CYP39A1: variants seen among roughly 807,000 people sequenced by gnomAD.
CYP39A1 encodes the protein 24-hydroxycholesterol 7-alpha-hydroxylase.
Under a neutral mutation model 58.1 loss-of-function variants are expected in CYP39A1, and 49 were observed. The observed-to-expected ratio is 0.84, with a 90% CI of 0.67 to 1.07. CYP39A1 has a LOEUF of 1.07. Among genes scored for constraint, CYP39A1 ranks in the 50% least tolerant of loss-of-function variants. CYP39A1 has a pLI of 0.00. For synonymous variants in CYP39A1, 209 were observed against 187.6 expected, an observed-to-expected ratio of 1.11 and a Z score of -0.93; for missense variants, 531 against 539.4, an observed-to-expected ratio of 0.98 and a Z score of 0.16.
chr6:46,553,170 T>C (rs1719086260), intron 11 of CYP39A1, among the ~76,000 whole-genome samples: 1 of 151,716 alleles, frequency 6.6e-6, no homozygotes, highest in Admixed American at 6.6e-5. Flanking sequence ...AGCACCTTTA[T>C]ACAGTCTGTT....
chr6:46,645,163 T>G (rs1374639012), intron 1 of CYP39A1, among the ~76,000 whole-genome samples: 1 of 152,202 alleles, frequency 6.6e-6, no homozygotes, highest in African/African-American at 2.4e-5. Context: ...TTTATCAGTT[T>G]TTCCTTTTAT....
chr6:46,640,522 A>G lies in CYP39A1; in HGVS notation c.314-854T>C, dbSNP rs1191547611. ...TGCTCCTTCTATAACACACATTCCT[A>G]ATTAGAAATTGTGGTTTATTGTTTA... On this transcript the variant is annotated intron_variant, in intron 2 of 11. Transcript: ENST00000275016. 3.3e-5 allele frequency among the ~76,000 whole-genome samples: 5 copies of G among 152,208 alleles called. No homozygotes were observed. In the South Asian group the frequency reaches 1.0e-3, roughly 32 times the overall value.
chr6:46,622,693 A>G (rs9472807), intron 7 of CYP39A1, among the ~76,000 whole-genome samples: 29,057 of 150,706 alleles, frequency 0.19, 2,991 homozygotes, highest in African/African-American at 0.28. Flanking sequence ...ATGAAGACTT[A>G]GGAAGATAAT....
In CYP39A1 at chr6:46,596,023, G is replaced by A. The variant is rs1262240405; in HGVS notation, c.1029C>T (p.Val343=). The change falls in exon 8 of 12, where the codon GTC becomes GTT. Residue 343 remains valine (V), a synonymous_variant. Coordinates refer to ENST00000275016, the MANE Select transcript of CYP39A1 (RefSeq NM_016593.5). ...LETIRLKAPG[V]ITRKVVKPVE... ...CAGGCTTCACCACTTTTCTAGTAAT[G>A]ACACCAGGAGCTTTTAAACGAATGG... 6 of 1,610,684 alleles carry A rather than the reference G, an allele frequency of 3.7e-6. No individual in the cohort carries two copies. Among genetic ancestry groups the A allele is most frequent in the Non-Finnish European group, 5.1e-6 (6 of 1,178,632 alleles).
intron 9 of CYP39A1, among the ~76,000 whole-genome samples, chr6:46,587,672 T>C (rs1296839106): frequency 6.6e-6 from 1 of 152,186 alleles, no homozygotes; most frequent in Non-Finnish European, 1.5e-5. Flanking sequence ...ACGGTTTTAA[T>C]TTGCTTTATT....
chr6:46,549,835 CT>C lies in CYP39A1; in HGVS notation c.*530del, dbSNP rs1367223672. ...GTCTCAGAAAACTACCATTTTATTA[CT>C]TTTAGCATTAGATACGTTTACAATA... On this transcript the variant is annotated 3_prime_UTR_variant, in exon 12 of 12. Coordinates refer to ENST00000275016, the MANE Select transcript of CYP39A1 (RefSeq NM_016593.5). 1.3e-5 allele frequency: 2 copies of C among 152,342 alleles called. No individual in the cohort carries two copies. The highest frequency in any genetic ancestry group is 2.9e-5 in the Non-Finnish European group (2 of 68,034). The allele number at this position is 152,342 out of a possible 1,614,324, so 9.4% of individuals were successfully genotyped here. A position where few individuals can be genotyped will look rare whatever the true frequency, so the allele number is the denominator to read the frequency against.
At chr6:46,652,276 C>G (rs548052224) in intron 1 of CYP39A1, 130 bp downstream of exon 1, 2 of 897,686 alleles carry the variant, frequency 2.2e-6, no homozygotes, top group East Asian at 2.7e-5. Context: ...TCAGAAATGA[C>G]TAGATCCTTT....
rs541788378 is a variant in CYP39A1, at chr6:46,637,884, G to C, written c.583C>G (p.Gln195Glu). The change falls in exon 4 of 12, where the codon CAA (glutamine) becomes GAA (glutamate). Residue 195 changes from glutamine (Q) to glutamate (E), a missense_variant. Physicochemically the swap from Gln to Glu is conservative, Grantham distance 29 (BLOSUM62 2). Transcript: ENST00000275016. ...KKIKEFHQYF[Q>E]VYDEDFEYGS... ...TACTCAAAATCTTCATCATAAACTT[G>C]AAAATACTGATGGAACTCCTTGATT... 61 of 1,613,004 alleles carry C rather than the reference G, an allele frequency of 3.8e-5. No individual in the cohort carries two copies. In the South Asian group the frequency reaches 6.7e-4, roughly 18 times the overall value.
chr6:46,580,458 G>A (rs1772069628), intron 10 of CYP39A1, among the ~76,000 whole-genome samples: 2 of 152,174 alleles, frequency 1.3e-5, no homozygotes, highest in South Asian at 4.1e-4. Context: ...AGGATTTCAT[G>A]ATAAAGTCTC....
At chr6:46,580,210 A>G (rs957595376) in intron 10 of CYP39A1, among the ~76,000 whole-genome samples, 3 of 152,168 alleles carry the variant, frequency 2.0e-5, no homozygotes, top group Non-Finnish European at 4.4e-5. Context: ...CACACTTAAA[A>G]ACATCAGATC....
intron 10 of CYP39A1, among the ~76,000 whole-genome samples, chr6:46,562,927 C>T (rs1384047906): frequency 6.6e-6 from 1 of 151,664 alleles, no homozygotes; most frequent in Non-Finnish European, 1.5e-5. Context: ...TAATATTTTT[C>T]TTTTCTACTT....
intron 7 of CYP39A1, among the ~76,000 whole-genome samples, chr6:46,605,084 C>T (rs6937755): frequency 0.071 from 10,813 of 151,888 alleles, 881 homozygotes; most frequent in African/African-American, 0.2. Context: ...AAACACAAAC[C>T]TCAAAGCCAT....
At chr6:46,578,943 C>A (rs1374582366) in intron 10 of CYP39A1, among the ~76,000 whole-genome samples, 1 of 151,946 alleles carries the variant, frequency 6.6e-6, no homozygotes, top group Admixed American at 6.6e-5. Flanking sequence ...GGAGGAAGGA[C>A]TCCTCCCTAA....
chr6:46,559,615 C>T (rs927928982), intron 10 of CYP39A1, among the ~76,000 whole-genome samples: 3 of 152,168 alleles, frequency 2.0e-5, no homozygotes, highest in African/African-American at 7.2e-5. Flanking sequence ...TTTCATCCCT[C>T]TGCTGGAGAT....
At chr6:46,623,625 T>G (rs1243239065) in intron 7 of CYP39A1, among the ~76,000 whole-genome samples, 1 of 152,162 alleles carries the variant, frequency 6.6e-6, no homozygotes, top group Non-Finnish European at 1.5e-5. Flanking sequence ...TCTTTTGAGT[T>G]TTCTCTCTCT....
chr6:46,586,632 C>G (rs1772486736), intron 10 of CYP39A1: 1 of 922,262 alleles, frequency 1.1e-6, no homozygotes, highest in African/African-American at 1.8e-5. Flanking sequence ...TTTTCACAAG[C>G]CAAACTAACA....
At chr6:46,570,755 C>A (rs1309059688) in intron 10 of CYP39A1, among the ~76,000 whole-genome samples, 1 of 152,088 alleles carries the variant, frequency 6.6e-6, no homozygotes, top group African/African-American at 2.4e-5. Context: ...GTTCCAAACT[C>A]TTTTTAACAA....
intron 7 of CYP39A1, among the ~76,000 whole-genome samples, chr6:46,623,174 A>G (rs1463245716): frequency 6.8e-6 from 1 of 147,750 alleles, no homozygotes. Flanking sequence ...TTGTACATGT[A>G]ACTTGACTGG....
Position 46,564,209 on chromosome 6 carries a change from T to A in CYP39A1, c.1251-10355A>T, listed in dbSNP as rs531574103. ...TATTTTATTTTATTTTATTTTATTT[T>A]AAGACAGAGTCTCCCTCTGTTGCCC... is the stretch of plus-strand genomic sequence containing the variant. On this transcript the variant is annotated intron_variant, in intron 10 of 11. Coordinates refer to ENST00000275016, the MANE Select transcript of CYP39A1 (RefSeq NM_016593.5). 8.9e-4 allele frequency among the ~76,000 whole-genome samples: 132 copies of A among 149,110 alleles called. 5 individuals are homozygous for A. The highest frequency in any genetic ancestry group is 3.3e-3 in the African/African-American group (129 of 39,288).
Sources: gnomAD v4.1 joint callset for allele counts (sites outside exome capture counted in the v4.1 genomes callset) on GRCh38, gnomAD v4.1.1 for gene constraint, MANE v1.5 for transcripts, NCBI Gene and HGNC (gene_info 2026-07-23, HGNC 2026-07-21) for gene names.